Variants in AAMDC observed in about 807,000 individuals in gnomAD.
The protein encoded by AAMDC is adipogenesis associated Mth938 domain containing.
Under a neutral mutation model 15.5 loss-of-function variants are expected in AAMDC, and 16 were observed. The observed-to-expected ratio is 1.03, with a 90% confidence interval of 0.70 to 1.57. The LOEUF is 1.57. AAMDC is among the 40% of genes most tolerant of loss of function. The probability of loss-of-function intolerance (pLI) is 0.00; values close to 1 mark genes in which losing one functional copy is unlikely to be tolerated. For synonymous variants in AAMDC, 51 were observed against 51.6 expected (o/e 0.99, Z 0.05); for missense variants, 141 against 144.9 (o/e 0.97, Z 0.14).
rs1377019638 is a variant in AAMDC at position 77,891,181 on chromosome 11, A to C, written c.329-9390A>C. 4 of 702,132 alleles carry C rather than the reference A, an allele frequency of 5.7e-6. No homozygotes were observed. In the African/African-American group the frequency reaches 7.2e-5, roughly 13 times the overall value. 43.5% of individuals were successfully genotyped at this position (702,132 alleles called of 1,614,324 possible). The stretch of plus-strand genomic sequence containing the variant: ...TCAGCAGTAGTTGAGATTCAAGCCT[A>C]GGTTCTTTCCCACAGAGGCTCATTT... On this transcript the variant is annotated intron_variant, in intron 5 of 5. Transcript: ENST00000304716.
chr11:77,885,837 A>AAAGG (rs1951983085), intron 5 of AAMDC, among the ~76,000 whole-genome samples: 1 of 151,886 alleles, frequency 6.6e-6, no homozygotes, highest in Admixed American at 6.6e-5. Flanking sequence ...AGAAAGAAAG[A>AAAGG]AAGAAAAAGA....
chr11:77,859,316 T>C (rs754518458), intron 2 of AAMDC, among the ~76,000 whole-genome samples: 1 of 152,212 alleles, frequency 6.6e-6, no homozygotes, highest in African/African-American at 2.4e-5. Flanking sequence ...AGTTCCCTTC[T>C]ATTTCCCTTT....
downstream of AAMDC, chr11:77,876,879 T>C: frequency 1.5e-6 from 1 of 672,990 alleles, no homozygotes; most frequent in Non-Finnish European, 2.7e-6. Context: ...TATTCTTCCC[T>C]TAGAAGGTTT....
intron 1 of AAMDC, among the ~76,000 whole-genome samples, chr11:77,833,007 ATAT>A (rs1436848651): frequency 5.8e-5 from 3 of 51,948 alleles, no homozygotes; most frequent in Middle Eastern, 8.1e-3. Flanking sequence ...GTATATATAT[ATAT>A]TTTTTTTTTT....
chr11:77,877,292 G>C (rs1370518511), downstream of AAMDC, among the ~76,000 whole-genome samples: 1 of 152,166 alleles, frequency 6.6e-6, no homozygotes, highest in Non-Finnish European at 1.5e-5. Context: ...AACACTGCCA[G>C]GTACACCCAA....
At chr11:77,885,134 G>A (rs558334576) in intron 5 of AAMDC, among the ~76,000 whole-genome samples, 117 of 152,086 alleles carry the variant, frequency 7.7e-4, no homozygotes, top group Non-Finnish European at 1.4e-3. Context: ...CTGAACTGCA[G>A]TGGCATGATC....
intron 1 of AAMDC, among the ~76,000 whole-genome samples, chr11:77,824,081 G>T (rs145685933): frequency 6.6e-6 from 1 of 152,212 alleles, no homozygotes; most frequent in Non-Finnish European, 1.5e-5. Context: ...CCAAAGATAA[G>T]AAGTGTTTTG....
At chr11:77,869,949 G>A (rs667213) in intron 3 of AAMDC, 132 bp downstream of exon 3, 275,006 of 753,660 alleles carry the variant, frequency 0.36, 51,220 homozygotes, top group African/African-American at 0.5. Flanking sequence ...CAGGATAGCA[G>A]TGGCTGCACA....
rs760266528 is a variant in AAMDC, at chr11:77,869,809, G to A, written c.220G>A (p.Ala74Thr). ...TLVIGRGMSE[A>T]LKVPSSTVEY... ...TGTGATTGGCCGAGGGATGAGTGAG[G>A]CCTTGAAGGTAGGTGTTGGTATGCA... Residue 74 changes from alanine to threonine, a missense_variant, in exon 3 of 4, where the codon GCC (alanine) becomes ACC (threonine). Physicochemically the swap from Ala to Thr is moderately conservative, Grantham distance 58 (BLOSUM62 0). Coordinates refer to ENST00000393427, the MANE Select transcript of AAMDC (RefSeq NM_024684.4). 1.8e-5 allele frequency: 29 copies of A among 1,613,742 alleles called. No individual in the cohort carries two copies. Among genetic ancestry groups the A allele is most frequent in the South Asian group, 4.4e-5 (4 of 91,068 alleles).
At chr11:77,858,797 G>A (rs144240882) in intron 2 of AAMDC, among the ~76,000 whole-genome samples, 13 of 152,262 alleles carry the variant, frequency 8.5e-5, no homozygotes, top group Middle Eastern at 3.4e-3. Context: ...CCAGTCCAGG[G>A]GTCCACGGTA....
intron 1 of AAMDC, among the ~76,000 whole-genome samples, chr11:77,831,019 C>T (rs180742541): frequency 2.2e-3 from 323 of 144,978 alleles, no homozygotes; most frequent in African/African-American, 7.0e-3. Context: ...AATAGCCAGA[C>T]ATGGTGGCAT....
chr11:77,872,102 CT>C, intron 3 of AAMDC, 72 bp from the exon 4 acceptor site: 2 of 1,493,012 alleles, frequency 1.3e-6, no homozygotes, highest in Non-Finnish European at 1.8e-6. Context: ...TAGAGTACAC[CT>C]GCCTCATGGC....
chr11:77,821,786 A>G (rs1948916375), intron 1 of AAMDC, among the ~76,000 whole-genome samples: 1 of 152,110 alleles, frequency 6.6e-6, no homozygotes, highest in Admixed American at 6.5e-5. Flanking sequence ...CAATAATGTA[A>G]AATAGAATGT....
chr11:77,869,035 G>A, intron 2 of AAMDC: 1 of 342,180 alleles, frequency 2.9e-6, no homozygotes, highest in Non-Finnish European at 5.5e-6. Flanking sequence ...ACATTTGTGG[G>A]ACATTCCTTT....
At chr11:77,898,657 A>G (rs193102096) in intron 5 of AAMDC, among the ~76,000 whole-genome samples, 14 of 152,356 alleles carry the variant, frequency 9.2e-5, no homozygotes, top group Admixed American at 2.6e-4. Flanking sequence ...GTATTACTAA[A>G]ACTAATATTA....
chr11:77,895,527 GAAAAAAAAAAAAA>G (rs71046921), intron 5 of AAMDC, among the ~76,000 whole-genome samples: 591 of 39,274 alleles, frequency 0.015, 11 homozygotes, highest in African/African-American at 0.046. Flanking sequence ...TTCTTTTCCT[GAAAAAAAAAAAAA>G]AAAAAAAAAA....
At chr11:77,894,504 G>A (rs975112036) in intron 5 of AAMDC, among the ~76,000 whole-genome samples, 4 of 152,156 alleles carry the variant, frequency 2.6e-5, no homozygotes, top group Admixed American at 2.6e-4. Flanking sequence ...AATGGACCTG[G>A]GGGAAACACC....
chr11:77,891,875 A>G (rs781090130), intron 5 of AAMDC: 7 of 1,610,174 alleles, frequency 4.3e-6, no homozygotes, highest in Middle Eastern at 2.3e-4. Flanking sequence ...GACTCATTCA[A>G]CTGTGCACTC....
At chr11:77,855,149 C>T (rs1404451840) in intron 2 of AAMDC, among the ~76,000 whole-genome samples, 1 of 152,174 alleles carries the variant, frequency 6.6e-6, no homozygotes, top group South Asian at 2.1e-4. Context: ...TCCCACAAAA[C>T]CATTATTTCC....
Sources: gnomAD v4.1 joint callset for allele counts (sites outside exome capture counted in the v4.1 genomes callset) on GRCh38, gnomAD v4.1.1 for gene constraint, MANE v1.5 for transcripts, NCBI Gene and HGNC (gene_info 2026-07-23, HGNC 2026-07-21) for gene names.